Variants in ADAM15 observed in about 807,000 individuals in gnomAD.
The protein encoded by ADAM15 is ADAM metallopeptidase domain 15, also known as disintegrin and metalloproteinase domain-containing protein 15.
In ADAM15, 77 loss-of-function variants were observed where a neutral mutation model predicts 113.8. That is an observed-to-expected ratio of 0.68 (90% CI 0.56 to 0.82). The LOEUF is 0.82. Ranked by LOEUF, ADAM15 falls within the 40% of genes least tolerant of loss-of-function variation. The probability of loss-of-function intolerance (pLI) is 0.00; values close to 1 mark genes in which losing one functional copy is unlikely to be tolerated. For missense variants in ADAM15, 963 were observed against 1,120.1 expected, an observed-to-expected ratio of 0.86 and a Z score of 2.00; for synonymous variants, 388 against 454.1, an observed-to-expected ratio of 0.85 and a Z score of 1.85.
At position 155,054,519 on chromosome 1, in the gene ADAM15, G is replaced by A; in HGVS notation, c.612+13G>A. 6.4e-7 allele frequency: 1 copy of A among 1,552,488 alleles called. No individual in the cohort carries two copies. The highest frequency in any genetic ancestry group is 8.7e-7 in the Non-Finnish European group (1 of 1,146,130). ...CCACATTCGCCGGGTGAGGATGAAT[G>A]GCAGGGGGGTGGGCTTTGGTTGTCT... On this transcript the variant is annotated intron_variant, in intron 6 of 22. Transcript: ENST00000356955.
chr1:155,053,018 G>C (rs1661285858), intron 2 of ADAM15, among the ~76,000 whole-genome samples: 1 of 152,030 alleles, frequency 6.6e-6, no homozygotes, highest in South Asian at 2.1e-4. Context: ...ATCTCCACTG[G>C]GGAAATTGTG....
At position 155,056,433 on chromosome 1, in the gene ADAM15, C is replaced by T; in HGVS notation, c.962C>T (p.Ser321Phe). 1 of 1,614,144 alleles carries T rather than the reference C, an allele frequency of 6.2e-7. No individual in the cohort carries two copies. The highest frequency in any genetic ancestry group is 8.5e-7 in the Non-Finnish European group (1 of 1,180,022). ...GPTVGMAIQN[S>F]ICSPDFSGGV... ...ACGGTGGGCATGGCCATTCAGAACT[C>T]CATCTGTTCTCCTGACTTCTCAGGA... The change falls in exon 10 of 23, where the codon TCC becomes TTC. Residue 321 changes from serine (S) to phenylalanine (F), a missense_variant. By Grantham distance (155) the Ser-to-Phe change is radical. Coordinates refer to ENST00000356955, the MANE Select transcript of ADAM15 (RefSeq NM_207197.3). The surrounding 1 kb of genome is among the most constrained non-coding windows in gnomAD (Gnocchi z 4.0).
At chr1:155,059,498 G>T (rs1662260363) in intron 16 of ADAM15, among the ~76,000 whole-genome samples, 1 of 152,152 alleles carries the variant, frequency 6.6e-6, no homozygotes, top group Admixed American at 6.5e-5. Flanking sequence ...GCCTGCTGGT[G>T]CACACCTATG....
In ADAM15 at chr1:155,061,437, C is replaced by T. The variant is rs138833444; in HGVS notation, c.2300C>T (p.Pro767Leu). The change falls in exon 20 of 23, where the codon CCG becomes CTG. Residue 767 changes from proline to leucine, a missense_variant. By Grantham distance (98) the Pro-to-Leu change is moderately conservative. Coordinates refer to ENST00000356955, the MANE Select transcript of ADAM15 (RefSeq NM_207197.3). ...GTKQASALSF[P>L]APPSRPLPPD... ...CAGCAGGCTAGTGCTCTCAGCTTCC[C>T]GGCCCCCCCTTCCAGGCCGCTGCCG... is the stretch of plus-strand genomic sequence containing the variant. 525 of 1,613,622 alleles carry T rather than the reference C, an allele frequency of 3.3e-4. 2 individuals carry two copies. The highest frequency in any genetic ancestry group is 3.4e-4 in the Non-Finnish European group (401 of 1,179,850).
Position 155,054,197 on chromosome 1 carries a change from G to A in ADAM15, c.390G>A (p.Trp130Ter). The change falls in exon 5 of 23, where the codon TGG becomes TGA. Residue 130 changes from tryptophan to a stop codon, truncating the protein, a stop_gained. Coordinates refer to ENST00000356955, the MANE Select transcript of ADAM15 (RefSeq NM_207197.3). LOFTEE classifies it high-confidence loss of function. ...GAGTGCGGGGATATGCAGGCTCCTG[G>A]GTGTCCATCTGCACCTGCTCTGGGC... ...QGRVRGYAGS[W>*]VSICTCSGLR... 2 of 1,608,618 alleles carry A rather than the reference G, an allele frequency of 1.2e-6. No individual in the cohort carries two copies. Among genetic ancestry groups the A allele is most frequent in the Non-Finnish European group, 8.5e-7 (1 of 1,178,414 alleles).
chr1:155,060,165 C>G, intron 17 of ADAM15, 40 bp from the exon 18 acceptor site: 1 of 1,609,928 alleles, frequency 6.2e-7, no homozygotes, highest in Non-Finnish European at 8.5e-7. Context: ...ATCTAGAGTT[C>G]TTAGCCCCGT....
chr1:155,053,118 C>G (rs551151104), intron 2 of ADAM15, among the ~76,000 whole-genome samples: 10 of 137,490 alleles, frequency 7.3e-5, no homozygotes, highest in South Asian at 5.5e-4. Context: ...CCCCCCCCCC[C>G]CCACCCCATT....
chr1:155,054,601 C>A (rs528070132), intron 6 of ADAM15, 95 bp downstream of exon 6: 3 of 1,308,702 alleles, frequency 2.3e-6, no homozygotes, highest in Non-Finnish European at 3.1e-6. Context: ...ACAGCTCCTG[C>A]GAATGGAGCA....
rs200640463 is a variant in ADAM15 at position 155,057,408 on chromosome 1, C to T, written c.1323+46C>T. On this transcript the variant is annotated intron_variant, in intron 12 of 22. Transcript: ENST00000356955. This position sits in a 1 kb window ranked among gnomAD's most constrained non-coding sequence, Gnocchi z 5.0. ...CTCGCCCCACTCACTTCTGTACCCT[C>T]ACCCTGGCTCATTAGCCCTATCCCA... 2.5e-4 allele frequency: 408 copies of T among 1,607,100 alleles called. 2 individuals are homozygous for T. The East Asian group carries it at 7.4e-3, about 29-fold the overall frequency.
chr1:155,051,609 C>A, intron 1 of ADAM15, 144 bp downstream of exon 1: 1 of 730,562 alleles, frequency 1.4e-6, no homozygotes, highest in Non-Finnish European at 2.0e-6. Flanking sequence ...CTGTCCTGGG[C>A]CTAGGGCCCG....
In ADAM15 at chr1:155,062,554, G is replaced by A. The variant is rs1279562725; in HGVS notation, c.*52G>A. The A allele has an allele frequency of 1.3e-6, 2 of 1,598,292 alleles. No individual in the cohort carries two copies. The highest frequency in any genetic ancestry group is 8.5e-7 in the Non-Finnish European group (1 of 1,172,706). On this transcript the variant is annotated 3_prime_UTR_variant, in exon 23 of 23. Coordinates refer to ENST00000356955, the MANE Select transcript of ADAM15 (RefSeq NM_207197.3). The surrounding 1 kb of genome is among the most constrained non-coding windows in gnomAD (Gnocchi z 7.0). The stretch of plus-strand genomic sequence containing the variant: ...AGCCGGACTTAGGGCTTCAAGAGGC[G>A]GGCGTGCCCTCTGGAGTCCCCTACC...
rs1662602956 is a variant in ADAM15 at position 155,061,498 on chromosome 1, G to T, written c.2352+9G>T. 2 of 1,612,818 alleles carry T rather than the reference G, an allele frequency of 1.2e-6. No individual in the cohort carries two copies. The highest frequency in any genetic ancestry group is 2.7e-5 in the African/African-American group (2 of 74,894). On this transcript the variant is annotated intron_variant, in intron 20 of 22. Transcript: ENST00000356955. ...TGTCCAAGAGACTCCAGGTAAATCT[G>T]GGCCAGGGCCCGCCCTGAGCCAAGG...
At position 155,057,595 on chromosome 1, in the gene ADAM15, C is replaced by T; in HGVS notation, c.1324-42C>T. 1 of 1,605,656 alleles carries T rather than the reference C, an allele frequency of 6.2e-7. No individual in the cohort carries two copies. The highest frequency in any genetic ancestry group is 1.7e-5 in the Admixed American group (1 of 59,990). ...AGAGATTGGAGGGAGGCTCACAGGCCCCACCTGCTCTGATGCCCGGCCCCC... is the reference window on the plus strand; with the variant it reads ...AGAGATTGGAGGGAGGCTCACAGGCTCCACCTGCTCTGATGCCCGGCCCCC... On this transcript the variant is annotated intron_variant, in intron 12 of 22. Coordinates refer to ENST00000356955, the MANE Select transcript of ADAM15 (RefSeq NM_207197.3). This position sits in a 1 kb window ranked among gnomAD's most constrained non-coding sequence, Gnocchi z 5.0.
rs1010473351 is a variant in ADAM15, at chr1:155,058,586, A to G, written c.1918-124A>G. ...CTTACTTCAGATGGAGCAAAGTCCTATCAACTCACTATGCCTTGGTTTCCC... is the reference window on the plus strand; with the variant it reads ...CTTACTTCAGATGGAGCAAAGTCCTGTCAACTCACTATGCCTTGGTTTCCC... On this transcript the variant is annotated intron_variant, in intron 15 of 22. Coordinates refer to ENST00000356955, the MANE Select transcript of ADAM15 (RefSeq NM_207197.3). This position sits in a 1 kb window ranked among gnomAD's most constrained non-coding sequence, Gnocchi z 4.3. 8.4e-6 allele frequency: 13 copies of G among 1,552,112 alleles called. No individual in the cohort carries two copies. In the African/African-American group the frequency reaches 1.5e-4, roughly 18 times the overall value.
rs766402245 is a variant in ADAM15, at chr1:155,060,178, TC to T, written c.2069-24del. On this transcript the variant is annotated intron_variant, in intron 17 of 22. Coordinates refer to ENST00000356955, the MANE Select transcript of ADAM15 (RefSeq NM_207197.3). The stretch of plus-strand genomic sequence containing the variant: ...GGATCTAGAGTTCTTAGCCCCGTCC[TC>T]CCTTAAACCTGACTTCCGCCCACAG... 5.0e-6 allele frequency: 8 copies of T among 1,611,208 alleles called. No individual in the cohort carries two copies. The Admixed American group carries it at 1.3e-4, about 27-fold the overall frequency.
In ADAM15 at chr1:155,061,977, T is replaced by C. The variant is rs367609286; in HGVS notation, c.2424+2T>C. 1.5e-5 allele frequency: 23 copies of C among 1,578,758 alleles called. No individual in the cohort carries two copies. The highest frequency in any genetic ancestry group is 9.2e-5 in the East Asian group (4 of 43,590). ...GACCCGGTGGTGAGAAGCCCGAAGGTAACGGTGGGGGGAGAGAAGGGCACG... is the reference window on the plus strand; with the variant it reads ...GACCCGGTGGTGAGAAGCCCGAAGGCAACGGTGGGGGGAGAGAAGGGCACG... On this transcript the variant is annotated splice_donor_variant, in intron 21 of 22. Transcript: ENST00000356955. LOFTEE classifies it high-confidence loss of function.
In ADAM15 at chr1:155,056,915, G is replaced by T; in HGVS notation, c.1000-38G>T. 9 of 1,525,860 alleles carry T rather than the reference G, an allele frequency of 5.9e-6. No individual in the cohort carries two copies. The highest frequency in any genetic ancestry group is 7.9e-6 in the Non-Finnish European group (9 of 1,135,350). The allele number at this position is 1,525,860 out of a possible 1,614,324, so 94.5% of individuals were successfully genotyped here. A position where few individuals can be genotyped will look rare whatever the true frequency, so the allele number is the denominator to read the frequency against. ...GGTCTGGGCATTGTGGTGGAGGCAG[G>T]CTGGGACTGGACCTACAGTACCCCT... On this transcript the variant is annotated intron_variant, in intron 10 of 22. Coordinates refer to ENST00000356955, the MANE Select transcript of ADAM15 (RefSeq NM_207197.3). The surrounding 1 kb of genome is among the most constrained non-coding windows in gnomAD (Gnocchi z 4.0).
intron 6 of ADAM15, among the ~76,000 whole-genome samples, chr1:155,055,116 T>C (rs1661583625): frequency 6.6e-6 from 1 of 152,142 alleles, no homozygotes. Flanking sequence ...ACTTGCTGCA[T>C]AGAGTTGCTG....
rs770054372 is a variant in ADAM15, at chr1:155,056,954, A to G, written c.1001A>G (p.Asp334Gly). ...SPDFSGGVNM[D>G]HSTSILGVAS... ...TACAGTACCCCTCCCCAATGACAGG[A>G]CCACTCCACCAGCATCCTGGGAGTC... The change falls in exon 11 of 23, where the codon GAC (aspartate) becomes GGC (glycine). Residue 334 changes from aspartate (D) to glycine (G), a missense_variant and splice_region_variant. Transcript: ENST00000356955. This position sits in a 1 kb window ranked among gnomAD's most constrained non-coding sequence, Gnocchi z 4.0. 1.3e-6 allele frequency: 2 copies of G among 1,553,856 alleles called. No individual in the cohort carries two copies. The highest frequency in any genetic ancestry group is 2.5e-5 in the South Asian group (2 of 80,874).
Sources: allele counts gnomAD v4.1 joint callset (sites outside exome capture counted in the v4.1 genomes callset), GRCh38; gene constraint gnomAD v4.1.1; non-coding constraint Gnocchi (gnomAD v3.1); transcripts MANE v1.5; gene names NCBI Gene and HGNC (gene_info 2026-07-23, HGNC 2026-07-21).